Variants in CFHR2 observed in about 807,000 individuals in gnomAD.
CFHR2 encodes the protein complement factor H related 2.
CFHR2 carries 22 observed loss-of-function variants against 21.7 expected under a neutral mutation model. That is an observed-to-expected ratio of 1.01 (90% CI 0.72 to 1.45). The LOEUF (loss-of-function observed/expected upper bound fraction) is 1.45, where lower values mean the gene tolerates loss of function less well. Among genes scored for constraint, CFHR2 ranks in the 40% most tolerant of loss-of-function variants. The probability of loss-of-function intolerance (pLI) is 0.00; values close to 1 mark genes in which losing one functional copy is unlikely to be tolerated. For missense variants in CFHR2, 294 were observed against 293.3 expected (o/e 1.00, Z -0.02); for synonymous variants, 98 against 97.4 (o/e 1.01, Z -0.04).
chr1:196,957,666 C>T (rs1652943174), intron 3 of CFHR2, among the ~76,000 whole-genome samples: 1 of 152,120 alleles, frequency 6.6e-6, no homozygotes, highest in African/African-American at 2.4e-5. Context: ...TCCTGGAATA[C>T]TACAAAGTGT....
rs770546939 is a variant in CFHR2 at position 196,949,417 on chromosome 1, T to C, written c.59-38T>C. ...TAGTCTAGTGATTTATTTATGTAGC[T>C]TATTATGTAATTCTTCAGTTTTGTG... On this transcript the variant is annotated intron_variant, in intron 1 of 4. Coordinates refer to ENST00000367415, the MANE Select transcript of CFHR2 (RefSeq NM_005666.4). 5.1e-6 allele frequency: 8 copies of C among 1,557,708 alleles called. No individual in the cohort carries two copies. The Admixed American group carries it at 1.4e-4, about 27-fold the overall frequency.
rs1265103253 is a variant in CFHR2 at position 196,959,441 on chromosome 1, A to G, written c.*361A>G. ...TTTTTCATTTCTTTGGGTTAGGAGC[A>G]TTAAATATTCTCCTTCCAGCTATTT... On this transcript the variant is annotated 3_prime_UTR_variant, in exon 5 of 5. Transcript: ENST00000367415. Among the ~76,000 whole-genome samples, 1 of 152,028 alleles carries G rather than the reference A, an allele frequency of 6.6e-6. No homozygotes were observed. The highest frequency in any genetic ancestry group is 2.1e-4 in the South Asian group (1 of 4,832).
At chr1:196,958,126 G>A in intron 4 of CFHR2, 53 bp downstream of exon 4, 1 of 1,527,480 alleles carries the variant, frequency 6.5e-7, no homozygotes, top group Non-Finnish European at 9.1e-7. Context: ...TGATGAGTCT[G>A]ATATTTCACT....
intron 1 of CFHR2, among the ~76,000 whole-genome samples, chr1:196,946,943 G>A (rs1025728266): frequency 6.6e-6 from 1 of 152,138 alleles, no homozygotes; most frequent in African/African-American, 2.4e-5. Context: ...CAATGCTGTA[G>A]GTTTATTTAC....
At chr1:196,951,310 A>G (rs1348162205) in intron 3 of CFHR2, among the ~76,000 whole-genome samples, 4 of 152,228 alleles carry the variant, frequency 2.6e-5, no homozygotes, top group African/African-American at 4.8e-5. Flanking sequence ...GGTTTATAGT[A>G]TCGGGTTAGT....
At chr1:196,954,603 T>C (rs1194215534) in intron 3 of CFHR2, among the ~76,000 whole-genome samples, 7 of 152,164 alleles carry the variant, frequency 4.6e-5, no homozygotes, top group Non-Finnish European at 1.0e-4. Flanking sequence ...ACTCCACCCC[T>C]GCAGACTTCT....
chr1:196,955,667 C>T (rs141884489), intron 3 of CFHR2, among the ~76,000 whole-genome samples: 4 of 151,874 alleles, frequency 2.6e-5, no homozygotes, highest in Admixed American at 2.6e-4. Context: ...TGACCCACAT[C>T]GTGAAACTCT....
At chr1:196,946,638 C>G (rs1659501646) in intron 1 of CFHR2, among the ~76,000 whole-genome samples, 1 of 152,186 alleles carries the variant, frequency 6.6e-6, no homozygotes, top group South Asian at 2.1e-4. Flanking sequence ...ATCAGTATCA[C>G]TGTCTTCTTC....
intron 2 of CFHR2, 72 bp from the exon 3 acceptor site, chr1:196,950,780 A>T (rs1193374159): frequency 7.8e-6 from 12 of 1,547,388 alleles, no homozygotes; most frequent in Middle Eastern, 2.3e-4. Flanking sequence ...ATTTATTAAA[A>T]TATTTTAAAA....
intron 3 of CFHR2, 121 bp downstream of exon 3, chr1:196,951,149 CATTT>C: frequency 1.8e-5 from 22 of 1,202,554 alleles, no homozygotes; most frequent in Non-Finnish European, 2.4e-5. Context: ...TATCATTATT[CATTT>C]GATTCTCAGT....
At position 196,949,576 on chromosome 1, in the gene CFHR2, G is replaced by A. The variant is rs1224991300; in HGVS notation, c.180G>A (p.Val60=). The part of the protein sequence containing the change: ...VFYYSCEYNF[V]SPSKSFWTRI... Reference sequence around the variant, plus strand: ...ATTACTCCTGTGAATATAATTTTGTGTCTCCTTCAAAATCCTTTTGGACTC... The same window carrying A: ...ATTACTCCTGTGAATATAATTTTGTATCTCCTTCAAAATCCTTTTGGACTC... The change falls in exon 2 of 5, where the codon GTG becomes GTA. Residue 60 remains valine (V), a synonymous_variant. Coordinates refer to ENST00000367415, the MANE Select transcript of CFHR2 (RefSeq NM_005666.4). 3 of 1,613,902 alleles carry A rather than the reference G, an allele frequency of 1.9e-6. No homozygotes were observed. The African/African-American group carries it at 4.0e-5, about 22-fold the overall frequency.
intron 1 of CFHR2, among the ~76,000 whole-genome samples, chr1:196,948,900 C>T (rs991264816): frequency 6.6e-6 from 1 of 152,050 alleles, no homozygotes; most frequent in Non-Finnish European, 1.5e-5. Flanking sequence ...CTTATATTCT[C>T]TCAATTATTT....
chr1:196,952,686 A>C (rs1652659046), intron 3 of CFHR2, among the ~76,000 whole-genome samples: 2 of 152,218 alleles, frequency 1.3e-5, no homozygotes, highest in South Asian at 4.1e-4. Context: ...TTGTGACACA[A>C]AAAATATCCC....
In CFHR2 at chr1:196,945,341, G is replaced by A. The variant is rs551477312; in HGVS notation, c.58+1403G>A. On this transcript the variant is annotated intron_variant, in intron 1 of 4. Transcript: ENST00000367415. ...ATTACATGAGGATTTCTAAATAGGG[G>A]GGTAGCAGAGGAAAATAAGTGAAAA... is the stretch of plus-strand genomic sequence containing the variant. Among the ~76,000 whole-genome samples, 796 of 138,862 alleles carry A rather than the reference G, an allele frequency of 5.7e-3. 29 individuals are homozygous for A. The highest frequency in any genetic ancestry group is 0.021 in the African/African-American group (766 of 36,226). The allele number at this position is 138,862 out of a possible 152,430, so 91.1% of individuals were successfully genotyped here. A position where few individuals can be genotyped will look rare whatever the true frequency, so the allele number is the denominator to read the frequency against.
Position 196,949,458 on chromosome 1 carries a change from T to A in CFHR2, c.62T>A (p.Met21Lys). The A allele has an allele frequency of 1.2e-6, 2 of 1,611,450 alleles. No homozygotes were observed. The highest frequency in any genetic ancestry group is 2.2e-5 in the South Asian group (2 of 90,766). Reference sequence around the variant, plus strand: ...CAGTTTTGTGTTATTTTCCCAGCAATGTTCTGTGATTTTCCAAAAATAAAC... The same window carrying A: ...CAGTTTTGTGTTATTTTCCCAGCAAAGTTCTGTGATTTTCCAAAAATAAAC... Reference protein sequence around the residue: ...SRISSVGGEAMFCDFPKINHG... With the variant: ...SRISSVGGEAKFCDFPKINHG... Residue 21 changes from methionine (M) to lysine (K), a missense_variant, in exon 2 of 5, where the codon ATG (methionine) becomes AAG (lysine). Physicochemically the swap from Met to Lys is moderately conservative, Grantham distance 95. Coordinates refer to ENST00000367415, the MANE Select transcript of CFHR2 (RefSeq NM_005666.4).
chr1:196,944,423 T>C (rs568235937), intron 1 of CFHR2, among the ~76,000 whole-genome samples: 53 of 152,192 alleles, frequency 3.5e-4, no homozygotes, highest in African/African-American at 1.3e-3. Flanking sequence ...TATATTTTAC[T>C]GAAACAATAG....
At position 196,949,675 on chromosome 1, in the gene CFHR2, T is replaced by A. The variant is rs765447904; in HGVS notation, c.253+26T>A. On this transcript the variant is annotated intron_variant, in intron 2 of 4. Coordinates refer to ENST00000367415, the MANE Select transcript of CFHR2 (RefSeq NM_005666.4). ...GTGAGTAAATGCCCTGTTCATTAAA[T>A]GGATGTCATTCAATGAACAGAGAAG... 10 of 1,612,008 alleles carry A rather than the reference T, an allele frequency of 6.2e-6. No homozygotes were observed. The African/African-American group carries it at 1.2e-4, about 19-fold the overall frequency.
rs188143523 is a variant in CFHR2, at chr1:196,947,708, A to G, written c.59-1747A>G. Among the ~76,000 whole-genome samples, 1,252 of 152,306 alleles carry G rather than the reference A, an allele frequency of 8.2e-3. 20 individuals carry two copies. Among genetic ancestry groups the G allele is most frequent in the African/African-American group, 0.029 (1,197 of 41,576 alleles). ...GAAAAATAAAATTATTTCTTATGCA[A>G]CAGTACTATATTGCAACAATATCTT... On this transcript the variant is annotated intron_variant, in intron 1 of 4. Coordinates refer to ENST00000367415, the MANE Select transcript of CFHR2 (RefSeq NM_005666.4).
chr1:196,958,413 T>TGA (rs1473372042), intron 4 of CFHR2, among the ~76,000 whole-genome samples: 5 of 151,826 alleles, frequency 3.3e-5, no homozygotes, highest in African/African-American at 7.3e-5. Context: ...TGTGTGTGTG[T>TGA]GTGAGAGAGA....
Sources: gnomAD v4.1 joint callset for allele counts (sites outside exome capture counted in the v4.1 genomes callset) on GRCh38, gnomAD v4.1.1 for gene constraint, MANE v1.5 for transcripts, NCBI Gene and HGNC (gene_info 2026-07-23, HGNC 2026-07-21) for gene names.